MYT1: variants seen among roughly 807,000 people sequenced by gnomAD.
The protein encoded by MYT1 is myelin transcription factor I.
MYT1 carries 23 observed loss-of-function variants against 123.0 expected under a neutral mutation model. The ratio of observed to expected loss-of-function variants is 0.19; its 90% CI spans 0.13 to 0.26. The LOEUF (loss-of-function observed/expected upper bound fraction) is 0.26. MYT1 is among the 10% of genes least tolerant of loss of function. The pLI, the probability that MYT1 is intolerant of heterozygous loss-of-function variation, is 1.00. For synonymous variants in MYT1, 518 were observed against 575.3 expected, an observed-to-expected ratio of 0.90 and a Z score of 1.43; for missense variants, 1,125 against 1,472.5, an observed-to-expected ratio of 0.76 and a Z score of 3.86.
intron 18 of MYT1, among the ~76,000 whole-genome samples, chr20:64,230,014 G>A (rs1391254746): frequency 6.6e-6 from 1 of 152,116 alleles, no homozygotes; most frequent in Non-Finnish European, 1.5e-5. Flanking sequence ...AAGCACAGAG[G>A]CCTCACCAGC....
rs145971303 is a variant in MYT1 at position 64,204,531 on chromosome 20, T to G, written c.87-504T>G. Among the ~76,000 whole-genome samples the G allele has an allele frequency of 5.5e-3, 839 of 152,338 alleles. 6 individuals carry two copies. Among genetic ancestry groups the G allele is most frequent in the Non-Finnish European group, 8.2e-3 (558 of 68,030 alleles). ...ACTGTCTGTGGCTTGGGCCACAGAT[T>G]CCTTTCTGCCTGTCAGTCCTGGCTC... is the stretch of plus-strand genomic sequence containing the variant. On this transcript the variant is annotated intron_variant, in intron 4 of 22. Transcript: ENST00000328439.
intron 22 of MYT1, among the ~76,000 whole-genome samples, 188 bp downstream of exon 22, chr20:64,240,091 G>A (rs371934430): frequency 2.6e-5 from 4 of 152,226 alleles, no homozygotes; most frequent in Non-Finnish European, 4.4e-5. Flanking sequence ...CCACCATAAT[G>A]AGTAGCTGCC....
At position 64,213,616 on chromosome 20, in the gene MYT1, A is replaced by G. The variant is rs374364161; in HGVS notation, c.1600A>G (p.Lys534Glu). The change falls in exon 10 of 23, where the codon AAG (lysine) becomes GAG (glutamate). Residue 534 changes from lysine (K) to glutamate (E), a missense_variant. Lys to Glu is a moderately conservative substitution (Grantham distance 56). This residue lies in a region of MYT1 where 429 missense variants were observed against 604.1 expected (regional missense o/e 0.71). Coordinates refer to ENST00000328439, the MANE Select transcript of MYT1 (RefSeq NM_004535.3). This position sits in a 1 kb window ranked among gnomAD's most constrained non-coding sequence, Gnocchi z 5.6. ...GCAGCCGCAGACAGGAGATCCTTCC[A>G]AGAGTAGCTCCAATTCCGATCGGAT... ...KQQPQTGDPSKSSSNSDRILR... is the reference protein window; with the variant it reads ...KQQPQTGDPSESSSNSDRILR... 1 of 1,614,062 alleles carries G rather than the reference A, an allele frequency of 6.2e-7. No individual in the cohort carries two copies. The highest frequency in any genetic ancestry group is 1.3e-5 in the African/African-American group (1 of 74,936).
In MYT1 at chr20:64,167,520, G is replaced by A. The variant is rs886523497; in HGVS notation, c.-99+2781G>A. Among the ~76,000 whole-genome samples, 30 of 152,160 alleles carry A rather than the reference G, an allele frequency of 2.0e-4. No individual in the cohort carries two copies. The highest frequency in any genetic ancestry group is 6.3e-4 in the African/African-American group (26 of 41,408). On this transcript the variant is annotated intron_variant, in intron 1 of 22. Coordinates refer to ENST00000328439, the MANE Select transcript of MYT1 (RefSeq NM_004535.3). The surrounding 1 kb of genome is among the most constrained non-coding windows in gnomAD (Gnocchi z 6.3). ...GCTGTGGGGTGGGTGGGGGCTGCTGGCGGTCACCTGATCTGCGAGCAGGCA... is the reference window on the plus strand; with the variant it reads ...GCTGTGGGGTGGGTGGGGGCTGCTGACGGTCACCTGATCTGCGAGCAGGCA...
In MYT1 at chr20:64,231,086, A is replaced by G. The variant is rs3003144; in HGVS notation, c.2676-1078A>G. Among the ~76,000 whole-genome samples, 1 of 148,754 alleles carries G rather than the reference A, an allele frequency of 6.7e-6. No individual in the cohort carries two copies. The highest frequency in any genetic ancestry group is 6.7e-5 in the Admixed American group (1 of 14,998). On this transcript the variant is annotated intron_variant, in intron 18 of 22. Coordinates refer to ENST00000328439, the MANE Select transcript of MYT1 (RefSeq NM_004535.3). This position sits in a 1 kb window ranked among gnomAD's most constrained non-coding sequence, Gnocchi z 6.4. ...CCTCCCGAGCGCTTCCTGCGCTGAC[A>G]GTGACTTCCCTGTATGCCCATGAAT... is the stretch of plus-strand genomic sequence containing the variant.
At position 64,168,476 on chromosome 20, in the gene MYT1, G is replaced by A. The variant is rs574832136; in HGVS notation, c.-99+3737G>A. On this transcript the variant is annotated intron_variant, in intron 1 of 22. Transcript: ENST00000328439. The surrounding 1 kb of genome is among the most constrained non-coding windows in gnomAD (Gnocchi z 6.1). ...TAATCGGGAACGAAAGTAACTCAGC[G>A]TGCTTTAATCTGCCCTGGCTGAGTA... Among the ~76,000 whole-genome samples the A allele has an allele frequency of 3.9e-5, 6 of 152,278 alleles. No individual in the cohort carries two copies. The highest frequency in any genetic ancestry group is 3.4e-3 in the Middle Eastern group (1 of 294).
rs912085297 is a variant in MYT1, at chr20:64,231,024, G to A, written c.2676-1140G>A. 6.6e-6 allele frequency among the ~76,000 whole-genome samples: 1 copy of A among 152,034 alleles called. No homozygotes were observed. The highest frequency in any genetic ancestry group is 6.6e-5 in the Admixed American group (1 of 15,254). ...CTGAGCCGCCTCTCACCCCTACGGC[G>A]GGAGCCTCTGCCCCCGCCCCCGCCC... is the stretch of plus-strand genomic sequence containing the variant. On this transcript the variant is annotated intron_variant, in intron 18 of 22. Transcript: ENST00000328439. This position sits in a 1 kb window ranked among gnomAD's most constrained non-coding sequence, Gnocchi z 6.4.
intron 1 of MYT1, among the ~76,000 whole-genome samples, chr20:64,187,712 ATACCT>A (rs1982854888): frequency 1.3e-5 from 2 of 152,276 alleles, no homozygotes; most frequent in Admixed American, 1.3e-4. Flanking sequence ...AAGAACTGGC[ATACCT>A]TACTGGGCTT....
intron 1 of MYT1, among the ~76,000 whole-genome samples, chr20:64,183,979 C>A (rs191408992): frequency 3.3e-5 from 5 of 152,084 alleles, no homozygotes; most frequent in African/African-American, 1.2e-4. Context: ...CACCGCCATA[C>A]CCAGCTAATT....
chr20:64,186,540 T>C lies in MYT1; in HGVS notation c.-98-3523T>C, dbSNP rs1982807107. ...TTCACTTCCAGGCTCCGTCCACACA[T>C]GTCTCTCCATCTCCAAATAATTCTT... On this transcript the variant is annotated intron_variant, in intron 1 of 22. Transcript: ENST00000328439. The surrounding 1 kb of genome is among the most constrained non-coding windows in gnomAD (Gnocchi z 4.3). Among the ~76,000 whole-genome samples, 1 of 152,198 alleles carries C rather than the reference T, an allele frequency of 6.6e-6. No homozygotes were observed. The highest frequency in any genetic ancestry group is 2.4e-5 in the African/African-American group (1 of 41,458).
chr20:64,219,011 G>A lies in MYT1; in HGVS notation c.1947G>A (p.Thr649=), dbSNP rs142303893. 11 of 1,613,390 alleles carry A rather than the reference G, an allele frequency of 6.8e-6. No homozygotes were observed. In the African/African-American group the frequency reaches 9.3e-5, roughly 14 times the overall value. Residue 649 remains threonine (T), a synonymous_variant, in exon 12 of 23, where the codon ACG becomes ACA. Coordinates refer to ENST00000328439, the MANE Select transcript of MYT1 (RefSeq NM_004535.3). ...GGGAGATGCCTGAGAACCTCAGCAC[G>A]AAGCCACAGGACCTCCCCAGCAAGG... ...RCWEMPENLS[T]KPQDLPSKSV...
In MYT1 at chr20:64,205,573, C is replaced by G; in HGVS notation, c.170C>G (p.Ala57Gly). The G allele has an allele frequency of 6.2e-7, 1 of 1,614,022 alleles. No homozygotes were observed. The highest frequency in any genetic ancestry group is 8.5e-7 in the Non-Finnish European group (1 of 1,180,022). Residue 57 changes from alanine to glycine, a missense_variant, in exon 6 of 23, where the codon GCC (alanine) becomes GGC (glycine). This residue lies in a region of MYT1 where 406 missense variants were observed against 432.2 expected (regional missense o/e 0.94). Coordinates refer to ENST00000328439, the MANE Select transcript of MYT1 (RefSeq NM_004535.3). Reference sequence around the variant, plus strand: ...CCCAGTTTACAGAGCTGCCCCCTGGCCAAGAAGAGGAAGCTGGAGGGCGCT... The same window carrying G: ...CCCAGTTTACAGAGCTGCCCCCTGGGCAAGAAGAGGAAGCTGGAGGGCGCT... ...RHRSLQSCPLAKKRKLEGAEA... is the reference protein window; with the variant it reads ...RHRSLQSCPLGKKRKLEGAEA...
In MYT1 at chr20:64,191,875, T is replaced by C. The variant is rs1982980504; in HGVS notation, c.-1+1715T>C. The C allele has an allele frequency of 6.6e-6, 1 of 152,182 alleles. No individual in the cohort carries two copies. The highest frequency in any genetic ancestry group is 1.5e-5 in the Non-Finnish European group (1 of 68,038). The allele number at this position is 152,182 out of a possible 1,614,324, so 9.4% of individuals were successfully genotyped here. A position where few individuals can be genotyped will look rare whatever the true frequency, so the allele number is the denominator to read the frequency against. ...TTCTAAATATTGAATTAAAATATTA[T>C]TTATCTTGATCATTGAGTTTTTGGC... On this transcript the variant is annotated intron_variant, in intron 2 of 22. Transcript: ENST00000328439. This position sits in a 1 kb window ranked among gnomAD's most constrained non-coding sequence, Gnocchi z 4.1.
In MYT1 at chr20:64,218,211, G is replaced by T. The variant is rs1983897413; in HGVS notation, c.1847-700G>T. Among the ~76,000 whole-genome samples, 2 of 152,170 alleles carry T rather than the reference G, an allele frequency of 1.3e-5. No homozygotes were observed. Among genetic ancestry groups the T allele is most frequent in the Non-Finnish European group, 2.9e-5 (2 of 68,040 alleles). On this transcript the variant is annotated intron_variant, in intron 11 of 22. Transcript: ENST00000328439. The surrounding 1 kb of genome is among the most constrained non-coding windows in gnomAD (Gnocchi z 4.0). The stretch of plus-strand genomic sequence containing the variant: ...AATGCAATGGTGCCAGTGGAGAGGG[G>T]GACCTCACGATAAGCTTTCCAATAT...
chr20:64,198,565 C>T (rs954611941), intron 2 of MYT1, among the ~76,000 whole-genome samples: 11 of 152,344 alleles, frequency 7.2e-5, no homozygotes, highest in Non-Finnish European at 7.3e-5. Flanking sequence ...TGCCTCAGCA[C>T]TTGTTGGCAG....
intron 16 of MYT1, among the ~76,000 whole-genome samples, chr20:64,226,961 AGAT>A (rs1448328982): frequency 2.0e-5 from 3 of 152,264 alleles, no homozygotes; most frequent in Admixed American, 6.5e-5. Flanking sequence ...CCATCCAAGA[AGAT>A]GAACTGGTCT....
intron 1 of MYT1, among the ~76,000 whole-genome samples, chr20:64,178,667 G>A (rs944220256): frequency 6.8e-6 from 1 of 146,272 alleles, no homozygotes; most frequent in East Asian, 2.1e-4. Context: ...GCCCTTCAAC[G>A]TGGGAGCACT....
intron 13 of MYT1, among the ~76,000 whole-genome samples, chr20:64,221,318 T>C (rs1983993195): frequency 6.6e-6 from 1 of 152,168 alleles, no homozygotes; most frequent in Non-Finnish European, 1.5e-5. Context: ...ACGCCCTGCT[T>C]ATCTGTGTCC....
chr20:64,211,146 C>A (rs965000717), intron 7 of MYT1, 60 bp from the exon 8 acceptor site: 3 of 1,564,116 alleles, frequency 1.9e-6, no homozygotes, highest in African/African-American at 1.3e-5. Flanking sequence ...GCTACCCCTG[C>A]CCCCTCTCTG....
Sources: gnomAD v4.1 joint callset for allele counts (sites outside exome capture counted in the v4.1 genomes callset) on GRCh38, gnomAD v4.1.1 for gene constraint, gnomAD v4.1.1 regional missense constraint, Gnocchi (gnomAD v3.1) non-coding constraint, MANE v1.5 for transcripts, NCBI Gene and HGNC (gene_info 2026-07-23, HGNC 2026-07-21) for gene names.